Variants in ARHGAP24 observed in about 807,000 individuals in gnomAD.
ARHGAP24 encodes the protein rho GTPase-activating protein 24.
ARHGAP24 carries 50 observed loss-of-function variants against 76.4 expected under a neutral mutation model. That is an observed-to-expected ratio of 0.65 (90% CI 0.52 to 0.83). ARHGAP24 has a LOEUF of 0.83. Ranked by LOEUF, ARHGAP24 falls within the 40% of genes least tolerant of loss-of-function variation. The pLI, the probability that ARHGAP24 is intolerant of heterozygous loss-of-function variation, is 0.00. For missense variants in ARHGAP24, 930 were observed against 914.2 expected, an observed-to-expected ratio of 1.02 and a Z score of -0.22; for synonymous variants, 345 against 323.3, an observed-to-expected ratio of 1.07 and a Z score of -0.72.
chr4:85,588,523 C>A (rs1381357096), intron 2 of ARHGAP24, among the ~76,000 whole-genome samples: 1 of 152,068 alleles, frequency 6.6e-6, no homozygotes, highest in African/African-American at 2.4e-5. Context: ...TTATTGTGAC[C>A]CCTTGAGTCC....
intron 1 of ARHGAP24, among the ~76,000 whole-genome samples, chr4:85,563,479 G>T (rs1221565735): frequency 6.6e-6 from 1 of 152,060 alleles, no homozygotes; most frequent in East Asian, 1.9e-4. Context: ...CAAATTTTCT[G>T]GTGTCTCTTC....
intron 2 of ARHGAP24, among the ~76,000 whole-genome samples, chr4:85,720,609 T>C (rs1724895398): frequency 6.6e-6 from 1 of 152,186 alleles, no homozygotes; most frequent in Admixed American, 6.6e-5. Flanking sequence ...TACTCCGATA[T>C]TCATTGGCTT....
chr4:85,668,368 G>T (rs1019824608), intron 2 of ARHGAP24, among the ~76,000 whole-genome samples: 1 of 152,184 alleles, frequency 6.6e-6, no homozygotes, highest in Non-Finnish European at 1.5e-5. Flanking sequence ...TTTACTGGGT[G>T]CAGGCACTTA....
intron 4 of ARHGAP24, 60 bp from the exon 5 acceptor site, chr4:85,942,006 A>G: frequency 6.5e-6 from 10 of 1,540,846 alleles, no homozygotes; most frequent in Non-Finnish European, 8.9e-6. Flanking sequence ...TAAAACAACA[A>G]CAACAACAAA....
intron 8 of ARHGAP24, chr4:85,991,940 GTT>G (rs921323037): frequency 2.6e-6 from 1 of 386,370 alleles, no homozygotes. Flanking sequence ...AAGTCCCTAG[GTT>G]TTTTTTAAAG....
intron 2 of ARHGAP24, among the ~76,000 whole-genome samples, chr4:85,610,451 C>CAA (rs57348830): frequency 0.016 from 839 of 51,290 alleles, 34 homozygotes; most frequent in East Asian, 0.027. Flanking sequence ...ACTCCATCTA[C>CAA]AAAAAAAAAA....
chr4:85,626,452 A>G (rs1720957880), intron 2 of ARHGAP24, among the ~76,000 whole-genome samples: 1 of 151,508 alleles, frequency 6.6e-6, no homozygotes, highest in Non-Finnish European at 1.5e-5. Context: ...TGTTAGTCTG[A>G]TGGGCTTCCC....
At chr4:85,652,862 A>G (rs933823825) in intron 2 of ARHGAP24, among the ~76,000 whole-genome samples, 1 of 152,090 alleles carries the variant, frequency 6.6e-6, no homozygotes, top group African/African-American at 2.4e-5. Context: ...CCAAATATTT[A>G]TGTGATTATT....
intron 3 of ARHGAP24, among the ~76,000 whole-genome samples, chr4:85,781,309 T>G (rs1727543914): frequency 6.6e-6 from 1 of 152,234 alleles, no homozygotes; most frequent in African/African-American, 2.4e-5. Context: ...TCTTCTAATA[T>G]TTTTATATTG....
In ARHGAP24 at chr4:85,521,463, T is replaced by G. The variant is rs978199704; in HGVS notation, c.-21+45904T>G. On this transcript the variant is annotated intron_variant, in intron 1 of 9. Transcript: ENST00000395184. ...TCCCCCTCCCTTTTTATCACCTCCATCCGGACATTGCCACACTCATCCACT... is the reference window on the plus strand; with the variant it reads ...TCCCCCTCCCTTTTTATCACCTCCAGCCGGACATTGCCACACTCATCCACT... Among the ~76,000 whole-genome samples the G allele has an allele frequency of 3.4e-5, 3 of 87,398 alleles. No individual in the cohort carries two copies. The East Asian group carries it at 8.2e-3, about 240-fold the overall frequency. 57.3% of individuals were successfully genotyped at this position (87,398 alleles called of 152,430 possible).
Position 85,570,570 on chromosome 4 carries a change from A to C in ARHGAP24, c.29A>C (p.Asn10Thr), listed in dbSNP as rs1424786785. Residue 10 changes from asparagine to threonine, a missense_variant, in exon 2 of 10, where the codon AAC (asparagine) becomes ACC (threonine). Physicochemically the swap from Asn to Thr is moderately conservative, Grantham distance 65. Transcript: ENST00000395184. Reference sequence around the variant, plus strand: ...GAGGAGAACAATGACTCCACGGAGAACCCCCAACAAGGCCAAGGGCGGCAG... The same window carrying C: ...GAGGAGAACAATGACTCCACGGAGACCCCCCAACAAGGCCAAGGGCGGCAG... MEENNDSTE[N>T]PQQGQGRQNA... 2 of 1,613,618 alleles carry C rather than the reference A, an allele frequency of 1.2e-6. No individual in the cohort carries two copies. The highest frequency in any genetic ancestry group is 8.5e-7 in the Non-Finnish European group (1 of 1,179,938).
Position 86,000,630 on chromosome 4 carries a change from C to T in ARHGAP24, c.2155C>T (p.Gln719Ter), listed in dbSNP as rs1358236786. Residue 719 changes from glutamine to a stop codon, truncating the protein, a stop_gained, in exon 10 of 10, where the codon CAG becomes TAG. Transcript: ENST00000395184. LOFTEE classifies it high-confidence loss of function. ...EDAEKRNDMLQKEMEQFFSTF... is the reference protein window; with the variant it reads ...EDAEKRNDML ...TGCCGAGAAAAGAAATGACATGCTA[C>T]AGAAAGAAATGGAGCAGTTTTTTTC... 2 of 1,614,002 alleles carry T rather than the reference C, an allele frequency of 1.2e-6. No homozygotes were observed. The highest frequency in any genetic ancestry group is 2.2e-5 in the East Asian group (1 of 44,864).
intron 2 of ARHGAP24, among the ~76,000 whole-genome samples, chr4:85,571,594 T>C (rs1056895505): frequency 6.6e-6 from 1 of 152,224 alleles, no homozygotes; most frequent in Admixed American, 6.5e-5. Context: ...ACCAGGTCTC[T>C]GCTTTAGTAT....
At chr4:85,785,659 A>G (rs1727804435) in intron 3 of ARHGAP24, among the ~76,000 whole-genome samples, 1 of 152,202 alleles carries the variant, frequency 6.6e-6, no homozygotes, top group Non-Finnish European at 1.5e-5. Flanking sequence ...CAACTGGAGT[A>G]GCCAGAAACC....
At chr4:85,591,280 A>G (rs536143463) in intron 2 of ARHGAP24, among the ~76,000 whole-genome samples, 1 of 152,092 alleles carries the variant, frequency 6.6e-6, no homozygotes, top group African/African-American at 2.4e-5. Flanking sequence ...TCTTGACCTC[A>G]GGTGATCCAC....
intron 3 of ARHGAP24, among the ~76,000 whole-genome samples, chr4:85,825,522 A>G (rs2110128755): frequency 6.6e-6 from 1 of 152,368 alleles, no homozygotes; most frequent in African/African-American, 2.4e-5. Flanking sequence ...TGATAATTTA[A>G]GAAAATTAAG....
At chr4:85,534,022 T>G (rs1238004826) in intron 1 of ARHGAP24, among the ~76,000 whole-genome samples, 1 of 152,088 alleles carries the variant, frequency 6.6e-6, no homozygotes, top group Non-Finnish European at 1.5e-5. Context: ...GAATAAGAAA[T>G]CCACAAGTCC....
Position 85,495,403 on chromosome 4 carries a change from T to A in ARHGAP24, c.-21+19844T>A, listed in dbSNP as rs573594206. ...TCTCACTCTGTTGCCCAGGCTGGAG[T>A]GTAGTGGCGCGATCTCGGCTCACTG... On this transcript the variant is annotated intron_variant, in intron 1 of 9. Transcript: ENST00000395184. 1.4e-3 allele frequency among the ~76,000 whole-genome samples: 186 copies of A among 129,512 alleles called. 2 individuals carry two copies. The highest frequency in any genetic ancestry group is 2.5e-3 in the Non-Finnish European group (163 of 64,022). The allele number at this position is 129,512 out of a possible 152,430, so 85.0% of individuals were successfully genotyped here. A position where few individuals can be genotyped will look rare whatever the true frequency, so the allele number is the denominator to read the frequency against.
intron 2 of ARHGAP24, among the ~76,000 whole-genome samples, chr4:85,571,328 A>C (rs1367054002): frequency 6.6e-6 from 1 of 152,228 alleles, no homozygotes; most frequent in Non-Finnish European, 1.5e-5. Flanking sequence ...ACAAGTCTCA[A>C]GACTGCAATG....
Sources: allele counts gnomAD v4.1 joint callset (sites outside exome capture counted in the v4.1 genomes callset), GRCh38; gene constraint gnomAD v4.1.1; transcripts MANE v1.5; gene names NCBI Gene and HGNC (gene_info 2026-07-23, HGNC 2026-07-21).